Variants in ANKRD28 observed in about 807,000 individuals in gnomAD.
ANKRD28 encodes the protein serine/threonine-protein phosphatase 6 regulatory ankyrin repeat subunit A.
ANKRD28 carries 44 observed loss-of-function variants against 126.5 expected under a neutral mutation model. That is an observed-to-expected ratio of 0.35 (90% CI 0.27 to 0.45). ANKRD28 has a LOEUF of 0.45. Among genes scored for constraint, ANKRD28 ranks in the 20% least tolerant of loss-of-function variants. The pLI is 1.00. For synonymous variants in ANKRD28, 442 were observed against 468.5 expected, an observed-to-expected ratio of 0.94 and a Z score of 0.73; for missense variants, 1,110 against 1,316.6, an observed-to-expected ratio of 0.84 and a Z score of 2.43.
intron 1 of ANKRD28, among the ~76,000 whole-genome samples, chr3:15,795,902 T>G (rs769673519): frequency 1.6e-4 from 24 of 152,130 alleles, no homozygotes; most frequent in Non-Finnish European, 2.8e-4. Flanking sequence ...ATACAGCCTC[T>G]TGATAAGGTA....
chr3:15,750,030 C>T (rs896918017), intron 4 of ANKRD28, among the ~76,000 whole-genome samples: 2 of 152,174 alleles, frequency 1.3e-5, no homozygotes, highest in Admixed American at 1.3e-4. Context: ...CTACAACTTG[C>T]CCTTAAATTC....
chr3:15,722,986 G>T (rs2073881524), intron 7 of ANKRD28, among the ~76,000 whole-genome samples: 2 of 152,008 alleles, frequency 1.3e-5, no homozygotes, highest in Non-Finnish European at 2.9e-5. Flanking sequence ...GTTACTAAAA[G>T]GCTCTAAGTC....
At chr3:15,809,722 T>C (rs1486336746) in intron 1 of ANKRD28, among the ~76,000 whole-genome samples, 2 of 152,204 alleles carry the variant, frequency 1.3e-5, no homozygotes, top group Non-Finnish European at 2.9e-5. Flanking sequence ...ATTTCTGTCA[T>C]TTGTAACCAA....
At chr3:15,718,965 A>C (rs1330279621) in intron 8 of ANKRD28, among the ~76,000 whole-genome samples, 1 of 152,210 alleles carries the variant, frequency 6.6e-6, no homozygotes, top group Admixed American at 6.5e-5. Flanking sequence ...CTGATTATCC[A>C]AAGTGCAGGA....
intron 14 of ANKRD28, among the ~76,000 whole-genome samples, chr3:15,699,878 T>G (rs1223491673): frequency 6.6e-6 from 1 of 152,192 alleles, no homozygotes; most frequent in Non-Finnish European, 1.5e-5. Flanking sequence ...AGCCATCCCA[T>G]TACTGGGTAT....
intron 1 of ANKRD28, among the ~76,000 whole-genome samples, chr3:15,820,984 G>T (rs1444698620): frequency 6.6e-6 from 1 of 151,990 alleles, no homozygotes; most frequent in East Asian, 1.9e-4. Context: ...CCACATCAGG[G>T]TTTCTCAATG....
intron 8 of ANKRD28, among the ~76,000 whole-genome samples, chr3:15,720,655 G>A (rs1375591563): frequency 1.3e-5 from 2 of 151,856 alleles, no homozygotes; most frequent in Non-Finnish European, 2.9e-5. Flanking sequence ...TCCTCACAAT[G>A]GCAATAATTG....
chr3:15,677,451 G>A, intron 25 of ANKRD28, 29 bp downstream of exon 25: 1 of 1,530,674 alleles, frequency 6.5e-7, no homozygotes. Context: ...TATTAACAAT[G>A]GAAACATATT....
chr3:15,714,532 G>A (rs186540761), intron 9 of ANKRD28, 46 bp downstream of exon 9: 3,598 of 1,083,702 alleles, frequency 3.3e-3, no homozygotes, highest in South Asian at 9.4e-3. Flanking sequence ...CTACATTTAA[G>A]AAAAAAAAAA....
At chr3:15,762,201 A>AC (rs1404595041) in intron 3 of ANKRD28, among the ~76,000 whole-genome samples, 13 of 31,508 alleles carry the variant, frequency 4.1e-4, no homozygotes, top group African/African-American at 6.2e-4. Flanking sequence ...AAAAAAAAAA[A>AC]AAAAAAAAAA....
intron 9 of ANKRD28, 27 bp downstream of exon 9, chr3:15,714,539 AAAAAAAAACCCC>A (rs773547301): frequency 6.8e-7 from 1 of 1,464,548 alleles, no homozygotes; most frequent in Non-Finnish European, 9.2e-7. Flanking sequence ...TAAGAAAAAA[AAAAAAAAACCCC>A]AAAAAAAAAA....
chr3:15,843,656 T>A lies in ANKRD28; in HGVS notation c.27+15721A>T, dbSNP rs1289125248. Among the ~76,000 whole-genome samples the A allele has an allele frequency of 6.6e-6, 1 of 150,824 alleles. No individual in the cohort carries two copies. The highest frequency in any genetic ancestry group is 1.5e-5 in the Non-Finnish European group (1 of 67,822). On this transcript the variant is annotated intron_variant, in intron 1 of 27. Coordinates refer to the ANKRD28 transcript ENST00000399451. The surrounding 1 kb of genome is among the most constrained non-coding windows in gnomAD (Gnocchi z 5.2). ...AAACAATTTACAATAAGGAAAGGTA[T>A]CAATAAGAAAGCAATGGGTAAAAAA...
chr3:15,823,189 G>C (rs1469352273), intron 1 of ANKRD28, among the ~76,000 whole-genome samples: 6 of 152,158 alleles, frequency 3.9e-5, no homozygotes. Flanking sequence ...TTCTCCTAAG[G>C]AGTGCACAAC....
intron 1 of ANKRD28, among the ~76,000 whole-genome samples, chr3:15,807,753 G>A (rs1471424996): frequency 1.3e-5 from 2 of 152,176 alleles, no homozygotes; most frequent in Admixed American, 6.5e-5. Context: ...GGGAGAACAT[G>A]AAAACTTTAA....
At chr3:15,842,003 T>A (rs879673002) in intron 1 of ANKRD28, among the ~76,000 whole-genome samples, 1 of 150,788 alleles carries the variant, frequency 6.6e-6, no homozygotes, top group Admixed American at 6.6e-5. Flanking sequence ...ATAGGCATAA[T>A]TTATATGTAT....
intron 2 of ANKRD28, among the ~76,000 whole-genome samples, chr3:15,769,934 G>A (rs951135946): frequency 1.3e-5 from 2 of 151,858 alleles, no homozygotes; most frequent in African/African-American, 4.8e-5. Flanking sequence ...AACTCAAAAT[G>A]GAAGTTATAG....
chr3:15,831,636 C>T (rs1041469147), intron 1 of ANKRD28, among the ~76,000 whole-genome samples: 22 of 152,252 alleles, frequency 1.4e-4, no homozygotes, highest in African/African-American at 5.3e-4. Context: ...GGTAGTCTGA[C>T]CTTGCCTTAT....
At chr3:15,743,355 A>AAAAC (rs539157166) in intron 4 of ANKRD28, among the ~76,000 whole-genome samples, 4 of 150,832 alleles carry the variant, frequency 2.7e-5, no homozygotes, top group African/African-American at 7.3e-5. Context: ...TGATCAATAA[A>AAAAC]AAACAAACAA....
In ANKRD28 at chr3:15,795,306, G is replaced by A; in HGVS notation, c.118C>T (p.Pro40Ser). Residue 40 changes from proline to serine, a missense_variant and splice_region_variant, in exon 2 of 28, where the codon CCA becomes TCA. Coordinates refer to ENST00000683139, the MANE Select transcript of ANKRD28 (RefSeq NM_001349278.2). Reference protein sequence around the residue: ...LHSPPSGNVLPSLVQAIFNGD... With the variant: ...LHSPPSGNVLSSLVQAIFNGD... ...TTAAATATAGCTTGCACCAGTGATG[G>A]CTAAAATAGAAGAGAGTAATAAAAA... The A allele has an allele frequency of 6.2e-7, 1 of 1,601,140 alleles. No homozygotes were observed. Among genetic ancestry groups the A allele is most frequent in the Non-Finnish European group, 8.6e-7 (1 of 1,168,614 alleles).
Sources: allele counts gnomAD v4.1 joint callset (sites outside exome capture counted in the v4.1 genomes callset), GRCh38; gene constraint gnomAD v4.1.1; non-coding constraint Gnocchi (gnomAD v3.1); transcripts MANE v1.5; gene names NCBI Gene and HGNC (gene_info 2026-07-23, HGNC 2026-07-21).